The following TDRD7 variants were observed in gnomAD, a reference collection of about 807,000 sequenced individuals.
TDRD7 encodes the protein tudor domain-containing protein 7.
In TDRD7, 47 loss-of-function variants were observed where a neutral mutation model predicts 109.8. That is an observed-to-expected ratio of 0.43 (90% CI 0.34 to 0.55). TDRD7 has a LOEUF of 0.55. Among genes scored for constraint, TDRD7 ranks in the 20% least tolerant of loss-of-function variants. The pLI is 0.03. For synonymous variants in TDRD7, 424 were observed against 457.3 expected, an observed-to-expected ratio of 0.93 and a Z score of 0.93; for missense variants, 1,164 against 1,319.2, an observed-to-expected ratio of 0.88 and a Z score of 1.82.
intron 9 of TDRD7, among the ~76,000 whole-genome samples, chr9:97,471,271 C>A (rs1828906604): frequency 6.6e-6 from 1 of 152,148 alleles, no homozygotes; most frequent in South Asian, 2.1e-4. Flanking sequence ...GAAATATGCA[C>A]CATGCCGGGG....
chr9:97,442,819 G>A (rs185911948), intron 6 of TDRD7, among the ~76,000 whole-genome samples: 1 of 150,056 alleles, frequency 6.7e-6, no homozygotes, highest in Admixed American at 6.6e-5. Context: ...TTTTGAGACG[G>A]AGTTTCACTT....
chr9:97,460,941 A>G (rs1173671688), intron 7 of TDRD7, among the ~76,000 whole-genome samples, 177 bp downstream of exon 7: 1 of 152,136 alleles, frequency 6.6e-6, no homozygotes, highest in Non-Finnish European at 1.5e-5. Context: ...GGAGATCGAG[A>G]CCATCCTGGC....
chr9:97,465,126 A>G (rs1490322673), intron 8 of TDRD7, 98 bp downstream of exon 8: 1 of 1,419,132 alleles, frequency 7.0e-7, no homozygotes, highest in African/African-American at 1.4e-5. Context: ...TAAATGTTGT[A>G]TCCTATAATT....
chr9:97,468,723 G>A (rs1828862416), intron 8 of TDRD7, among the ~76,000 whole-genome samples: 1 of 152,214 alleles, frequency 6.6e-6, no homozygotes, highest in African/African-American at 2.4e-5. Flanking sequence ...CCTGACCCAG[G>A]CCCACATCCC....
chr9:97,441,488 T>G (rs1171227684), intron 5 of TDRD7, among the ~76,000 whole-genome samples, 170 bp from the exon 6 acceptor site: 2 of 152,214 alleles, frequency 1.3e-5, no homozygotes, highest in Non-Finnish European at 2.9e-5. Context: ...GGGTTAAAAC[T>G]TAGAATGAAG....
chr9:97,465,984 T>G (rs1379802868), intron 8 of TDRD7, among the ~76,000 whole-genome samples: 2 of 152,182 alleles, frequency 1.3e-5, no homozygotes, highest in Non-Finnish European at 2.9e-5. Flanking sequence ...TACAGAGCGC[T>G]CTTGGACTGT....
chr9:97,416,657 C>T lies in TDRD7; in HGVS notation c.-7+4419C>T, dbSNP rs528884930. Among the ~76,000 whole-genome samples, 11 of 152,242 alleles carry T rather than the reference C, an allele frequency of 7.2e-5. No individual in the cohort carries two copies. The South Asian group carries it at 2.3e-3, about 32-fold the overall frequency. On this transcript the variant is annotated intron_variant, in intron 1 of 16. Transcript: ENST00000355295. ...ACAGTTTGGTGTTGCGATTGGCTGT[C>T]TCATTCAGTTTATAAGAATTGTTAA... is the stretch of plus-strand genomic sequence containing the variant.
chr9:97,427,028 A>G (rs1393211300), intron 1 of TDRD7, among the ~76,000 whole-genome samples: 1 of 152,238 alleles, frequency 6.6e-6, no homozygotes, highest in African/African-American at 2.4e-5. Context: ...TTAAGTGCTC[A>G]GAGCCATATG....
chr9:97,450,204 T>C (rs970838032), intron 6 of TDRD7, among the ~76,000 whole-genome samples: 1 of 152,132 alleles, frequency 6.6e-6, no homozygotes, highest in Admixed American at 6.5e-5. Context: ...AAGTTACAAG[T>C]CATGCTAGTT....
intron 16 of TDRD7, among the ~76,000 whole-genome samples, chr9:97,492,629 C>T (rs533339102): frequency 6.6e-6 from 1 of 152,214 alleles, no homozygotes. Context: ...ACTCATAGTC[C>T]AAATACATGA....
At chr9:97,492,914 G>A (rs766142467) in intron 16 of TDRD7, among the ~76,000 whole-genome samples, 7 of 152,210 alleles carry the variant, frequency 4.6e-5, no homozygotes, top group Non-Finnish European at 8.8e-5. Flanking sequence ...AGAGAGAAGC[G>A]AGGTAGACTA....
intron 8 of TDRD7, among the ~76,000 whole-genome samples, chr9:97,467,999 T>G (rs1828846678): frequency 6.6e-6 from 1 of 152,202 alleles, no homozygotes; most frequent in Non-Finnish European, 1.5e-5. Flanking sequence ...ATTGGTGCCA[T>G]TTGTTGAAAT....
At chr9:97,487,129 G>A (rs367639337) in intron 15 of TDRD7, 43 bp from the exon 16 acceptor site, 1 of 1,605,086 alleles carries the variant, frequency 6.2e-7, no homozygotes, top group Non-Finnish European at 8.5e-7. Context: ...CAGGTACTGA[G>A]TTTATGTGTT....
At chr9:97,456,501 C>T (rs1001386045) in intron 6 of TDRD7, among the ~76,000 whole-genome samples, 1 of 152,138 alleles carries the variant, frequency 6.6e-6, no homozygotes, top group Non-Finnish European at 1.5e-5. Context: ...TGGAGCAGAA[C>T]AGAGACCTCA....
At chr9:97,495,339 TTTA>T (rs1413053942) in intron 16 of TDRD7, among the ~76,000 whole-genome samples, 2 of 152,218 alleles carry the variant, frequency 1.3e-5, no homozygotes, top group African/African-American at 4.8e-5. Flanking sequence ...ATATTGATAT[TTTA>T]TTCTGTTATT....
chr9:97,455,289 A>C (rs1341992357), intron 6 of TDRD7, among the ~76,000 whole-genome samples: 1 of 152,200 alleles, frequency 6.6e-6, no homozygotes, highest in Middle Eastern at 3.2e-3. Flanking sequence ...TATTCCAAAC[A>C]ATTGAAAAGG....
Position 97,473,604 on chromosome 9 carries a change from T to G in TDRD7, c.2057T>G (p.Ile686Arg). 1 of 1,613,764 alleles carries G rather than the reference T, an allele frequency of 6.2e-7. No homozygotes were observed. Among genetic ancestry groups the G allele is most frequent in the Non-Finnish European group, 8.5e-7 (1 of 1,179,742 alleles). ...LNKLSDLLRK[I>R]EDYFHCKHMT... Reference sequence around the variant, plus strand: ...AAGCTCAGTGACCTTCTACGTAAGATAGAGGACTACTTCCATTGCAAGGTA... The same window carrying G: ...AAGCTCAGTGACCTTCTACGTAAGAGAGAGGACTACTTCCATTGCAAGGTA... The change falls in exon 11 of 17, where the codon ATA becomes AGA. Residue 686 changes from isoleucine to arginine, a missense_variant. Around this residue, in one of 5 missense-constraint regions of TDRD7, gnomAD observed 261 missense variants for 336.2 expected, o/e 0.78. Coordinates refer to ENST00000355295, the MANE Select transcript of TDRD7 (RefSeq NM_014290.3).
intron 6 of TDRD7, 111 bp from the exon 7 acceptor site, chr9:97,460,067 C>G: frequency 1.1e-6 from 1 of 929,994 alleles, no homozygotes; most frequent in Non-Finnish European, 1.7e-6. Flanking sequence ...AAATCGTACA[C>G]TTGATTAATT....
At chr9:97,461,535 A>G (rs557016821) in intron 7 of TDRD7, among the ~76,000 whole-genome samples, 98 of 152,354 alleles carry the variant, frequency 6.4e-4, no homozygotes, top group African/African-American at 2.3e-3. Context: ...AGGAGGTGTC[A>G]TTGCCTAAGG....
Sources: allele counts gnomAD v4.1 joint callset (sites outside exome capture counted in the v4.1 genomes callset), GRCh38; gene constraint gnomAD v4.1.1; regional missense constraint gnomAD v4.1.1; transcripts MANE v1.5; gene names NCBI Gene and HGNC (gene_info 2026-07-23, HGNC 2026-07-21).